The following COL4A1 variants were observed in gnomAD, a reference collection of about 807,000 sequenced individuals.
The protein encoded by COL4A1 is collagen type IV alpha 1 chain.
COL4A1 carries 40 observed loss-of-function variants against 216.6 expected under a neutral mutation model. That is an observed-to-expected ratio of 0.18 (90% confidence interval 0.14 to 0.24). COL4A1 has a LOEUF of 0.24. COL4A1 is among the 10% of genes least tolerant of loss of function. The pLI is 1.00. For missense variants in COL4A1, 1,628 were observed against 2,196.8 expected, an observed-to-expected ratio of 0.74 and a Z score of 5.18; for synonymous variants, 839 against 810.7, an observed-to-expected ratio of 1.03 and a Z score of -0.59.
intron 1 of COL4A1, among the ~76,000 whole-genome samples, chr13:110,244,515 T>C (rs1338151600): frequency 1.3e-5 from 2 of 152,206 alleles, no homozygotes; most frequent in East Asian, 3.8e-4. Flanking sequence ...CCAAAATCTG[T>C]AACCTGTGCT....
Position 110,229,791 on chromosome 13 carries a change from A to G in COL4A1, c.144+12884T>C, listed in dbSNP as rs914117661. Among the ~76,000 whole-genome samples the G allele has an allele frequency of 3.3e-5, 5 of 152,266 alleles. No individual in the cohort carries two copies. The South Asian group carries it at 1.0e-3, about 32-fold the overall frequency. ...GGAACACACTTCTGCTGCTGAAACC[A>G]CCCAGTCTGTGGTATCCTATTACAG... On this transcript the variant is annotated intron_variant, in intron 2 of 51. Coordinates refer to ENST00000375820, the MANE Select transcript of COL4A1 (RefSeq NM_001845.6).
At chr13:110,277,390 G>C (rs1047138752) in intron 1 of COL4A1, among the ~76,000 whole-genome samples, 1 of 152,130 alleles carries the variant, frequency 6.6e-6, no homozygotes, top group Non-Finnish European at 1.5e-5. Context: ...GATAGGATGA[G>C]TCATCTTTTC....
At chr13:110,290,234 A>G (rs1594120381) in intron 1 of COL4A1, among the ~76,000 whole-genome samples, 1 of 152,226 alleles carries the variant, frequency 6.6e-6, no homozygotes, top group East Asian at 1.9e-4. Flanking sequence ...GAACACACTA[A>G]GCTACACAGA....
At chr13:110,224,231 G>C (rs565715624) in intron 2 of COL4A1, among the ~76,000 whole-genome samples, 1 of 151,724 alleles carries the variant, frequency 6.6e-6, no homozygotes, top group Non-Finnish European at 1.5e-5. Flanking sequence ...TTAGTTAAAA[G>C]ATTTGGGGTA....
intron 43 of COL4A1, among the ~76,000 whole-genome samples, chr13:110,168,324 G>T (rs1251593317): frequency 6.6e-6 from 1 of 152,198 alleles, no homozygotes; most frequent in Non-Finnish European, 1.5e-5. Context: ...CGGGAATGGG[G>T]TATATTTCTA....
At chr13:110,192,374 C>G (rs2241967) in intron 23 of COL4A1, 90 bp from the exon 24 acceptor site, 1 of 1,243,184 alleles carries the variant, frequency 8.0e-7, no homozygotes, top group Non-Finnish European at 1.2e-6. Flanking sequence ...GCATAAAAAT[C>G]TGTATAGGAA....
chr13:110,194,757 G>A (rs1878803673), intron 22 of COL4A1, among the ~76,000 whole-genome samples: 1 of 152,172 alleles, frequency 6.6e-6, no homozygotes, highest in Non-Finnish European at 1.5e-5. Flanking sequence ...CACGCCCACT[G>A]TAGCAAGACT....
At chr13:110,191,667 T>A in intron 24 of COL4A1, 1 of 684,370 alleles carries the variant, frequency 1.5e-6, no homozygotes, top group East Asian at 2.7e-5. Flanking sequence ...ATAGATGTTG[T>A]AACAGAAATT....
At position 110,181,843 on chromosome 13, in the gene COL4A1, G is replaced by C. The variant is rs572542716; in HGVS notation, c.2096-454C>G. On this transcript the variant is annotated intron_variant, in intron 28 of 51. Coordinates refer to ENST00000375820, the MANE Select transcript of COL4A1 (RefSeq NM_001845.6). ...GATCCCACAGGATCTGTCACTGAAG[G>C]ACACCTGCCCACTGTCTGGGCCCCG... Among the ~76,000 whole-genome samples, 19 of 152,296 alleles carry C rather than the reference G, an allele frequency of 1.2e-4. No individual in the cohort carries two copies. In the South Asian group the frequency reaches 3.5e-3, roughly 28 times the overall value.
chr13:110,205,667 A>T (rs537735809), intron 15 of COL4A1, 129 bp from the exon 16 acceptor site: 24 of 974,228 alleles, frequency 2.5e-5, no homozygotes, highest in Non-Finnish European at 3.7e-5. Flanking sequence ...GTTCGAGACC[A>T]GCCTGGCCAA....
At chr13:110,205,954 C>T (rs553562023) in intron 15 of COL4A1, among the ~76,000 whole-genome samples, 15 of 152,106 alleles carry the variant, frequency 9.9e-5, no homozygotes, top group Admixed American at 2.6e-4. Context: ...CTATGAAACA[C>T]AAGCAAGGTA....
At chr13:110,179,550 C>T in intron 29 of COL4A1, 129 bp from the exon 30 acceptor site, 1 of 1,380,584 alleles carries the variant, frequency 7.2e-7, no homozygotes. Flanking sequence ...CTGCTCAACC[C>T]TTTTCAAGCG....
chr13:110,175,004 C>G lies in COL4A1; in HGVS notation c.3198+214G>C, dbSNP rs538841180. ...CCTCTCTGTTTTATCCCACTGACAG[C>G]TGTCTCCCACCTTAGCCTCTCACCA... On this transcript the variant is annotated intron_variant, in intron 37 of 51. Coordinates refer to ENST00000375820, the MANE Select transcript of COL4A1 (RefSeq NM_001845.6). Among the ~76,000 whole-genome samples, 9 of 152,320 alleles carry G rather than the reference C, an allele frequency of 5.9e-5. No homozygotes were observed. The South Asian group carries it at 8.3e-4, about 14-fold the overall frequency.
At chr13:110,186,050 G>A (rs1286675222) in intron 26 of COL4A1, among the ~76,000 whole-genome samples, 3 of 152,164 alleles carry the variant, frequency 2.0e-5, no homozygotes, top group Admixed American at 6.5e-5. Context: ...GCTGCTCATC[G>A]GGGAAAGCCA....
intron 1 of COL4A1, among the ~76,000 whole-genome samples, chr13:110,277,586 G>A (rs937923091): frequency 6.6e-6 from 1 of 152,138 alleles, no homozygotes; most frequent in Non-Finnish European, 1.5e-5. Flanking sequence ...ACTGCTGTTC[G>A]GGTGATGGGC....
intron 1 of COL4A1, among the ~76,000 whole-genome samples, chr13:110,288,973 G>A (rs898215046): frequency 6.6e-6 from 1 of 152,216 alleles, no homozygotes; most frequent in African/African-American, 2.4e-5. Flanking sequence ...AGGAGGCGGA[G>A]GTTGCAGTGA....
chr13:110,305,546 C>A (rs186547398), intron 1 of COL4A1, among the ~76,000 whole-genome samples: 1 of 152,338 alleles, frequency 6.6e-6, no homozygotes, highest in African/African-American at 2.4e-5. Context: ...ACCTTGGAAG[C>A]GTTCAATCTT....
intron 21 of COL4A1, among the ~76,000 whole-genome samples, chr13:110,198,076 GGGGTGTGTGT>G (rs757600677): frequency 4.1e-5 from 3 of 72,344 alleles, no homozygotes; most frequent in Non-Finnish European, 6.5e-5. Flanking sequence ...CCTTGTTTCT[GGGGTGTGTGT>G]GTGTGTGTGT....
chr13:110,230,176 G>A (rs1880959141), intron 2 of COL4A1, among the ~76,000 whole-genome samples: 4 of 152,132 alleles, frequency 2.6e-5, no homozygotes, highest in South Asian at 4.1e-4. Flanking sequence ...GTGTGTGAGT[G>A]TGTGCCCGTG....
Sources: gnomAD v4.1 joint callset for allele counts (sites outside exome capture counted in the v4.1 genomes callset) on GRCh38, gnomAD v4.1.1 for gene constraint, MANE v1.5 for transcripts, NCBI Gene and HGNC (gene_info 2026-07-23, HGNC 2026-07-21) for gene names.